WWOX: variants seen among roughly 807,000 people sequenced by gnomAD.
The protein encoded by WWOX is WW domain-containing oxidoreductase.
A neutral mutation model predicts 46.2 loss-of-function variants in WWOX; 69 were observed. The ratio of observed to expected loss-of-function variants is 1.49; its 90% confidence interval spans 1.23 to 1.82. The LOEUF (loss-of-function observed/expected upper bound fraction) is 1.82. Ranked by LOEUF, WWOX falls within the 40% of genes most tolerant of loss-of-function variation. WWOX has a pLI of 0.00. For missense variants in WWOX, 919 were observed against 542.6 expected (o/e 1.69, Z -6.89); for synonymous variants, 359 against 202.6 (o/e 1.77, Z -6.56).
At chr16:79,143,041 GA>G (rs1011983563) in intron 8 of WWOX, among the ~76,000 whole-genome samples, 5 of 149,678 alleles carry the variant, frequency 3.3e-5, no homozygotes, top group Admixed American at 1.3e-4. Flanking sequence ...GGAGATGACA[GA>G]AAAAAAAATA....
chr16:78,409,889 T>G (rs1273890222), intron 6 of WWOX, among the ~76,000 whole-genome samples: 2 of 152,216 alleles, frequency 1.3e-5, no homozygotes, highest in African/African-American at 4.8e-5. Context: ...AGGACTGTTG[T>G]GATGACACTG....
At chr16:79,068,862 TA>T (rs1555521800) in intron 8 of WWOX, among the ~76,000 whole-genome samples, 1 of 140,416 alleles carries the variant, frequency 7.1e-6, no homozygotes, top group Non-Finnish European at 1.5e-5. Context: ...ATAATAATAA[TA>T]AAGAAAGCGA....
chr16:78,358,869 T>G (rs1211539921), intron 5 of WWOX, among the ~76,000 whole-genome samples: 2 of 149,078 alleles, frequency 1.3e-5, no homozygotes, highest in Non-Finnish European at 3.0e-5. Context: ...CTGTGGTCTT[T>G]TTTTTTTTTT....
At chr16:78,848,788 C>T (rs561337585) in intron 8 of WWOX, among the ~76,000 whole-genome samples, 8 of 105,418 alleles carry the variant, frequency 7.6e-5, no homozygotes, top group African/African-American at 1.1e-4. Flanking sequence ...ACGGGAGTTA[C>T]ACAGAGACCT....
At chr16:78,258,297 G>A (rs771422624) in intron 5 of WWOX, among the ~76,000 whole-genome samples, 7 of 152,054 alleles carry the variant, frequency 4.6e-5, no homozygotes, top group Non-Finnish European at 7.4e-5. Flanking sequence ...TTTGCTCTCC[G>A]TTTGGTGGGA....
At chr16:78,619,828 G>C (rs774527260) in intron 8 of WWOX, among the ~76,000 whole-genome samples, 7 of 152,176 alleles carry the variant, frequency 4.6e-5, no homozygotes, top group Middle Eastern at 3.4e-3. Context: ...AGAATCACTT[G>C]AGCAAAGGAG....
At chr16:78,688,935 C>A (rs780186938) in intron 8 of WWOX, among the ~76,000 whole-genome samples, 32 of 152,138 alleles carry the variant, frequency 2.1e-4, no homozygotes, top group Non-Finnish European at 1.9e-4. Context: ...TTGCTTGGCA[C>A]CTCTCCTTCC....
chr16:78,776,728 G>A (rs752127516), intron 8 of WWOX, among the ~76,000 whole-genome samples: 5 of 152,206 alleles, frequency 3.3e-5, no homozygotes, highest in African/African-American at 4.8e-5. Flanking sequence ...GAAAACTTAC[G>A]ATCATGGTGG....
intron 5 of WWOX, among the ~76,000 whole-genome samples, chr16:78,353,424 C>T (rs558979740): frequency 1.3e-5 from 2 of 152,260 alleles, no homozygotes; most frequent in African/African-American, 2.4e-5. Context: ...AAAGACAGTT[C>T]ACCAAATCTA....
At chr16:79,064,240 A>C (rs1247259652) in intron 8 of WWOX, among the ~76,000 whole-genome samples, 1 of 152,230 alleles carries the variant, frequency 6.6e-6, no homozygotes, top group Non-Finnish European at 1.5e-5. Flanking sequence ...TTGTAATACA[A>C]GGCAAAGAAA....
intron 8 of WWOX, among the ~76,000 whole-genome samples, chr16:78,932,638 C>T: frequency 6.6e-6 from 1 of 152,214 alleles, no homozygotes; most frequent in East Asian, 1.9e-4. Context: ...AAAGAGAAGC[C>T]TGCAGCTGCG....
intron 8 of WWOX, among the ~76,000 whole-genome samples, chr16:78,797,358 TAA>T (rs57291441): frequency 0.13 from 15,500 of 116,370 alleles, 1,021 homozygotes; most frequent in Non-Finnish European, 0.15. Context: ...GTCAAAGTGG[TAA>T]AAAAAAAAAA....
chr16:79,083,284 T>A (rs2150585384), intron 8 of WWOX, among the ~76,000 whole-genome samples: 1 of 152,240 alleles, frequency 6.6e-6, no homozygotes, highest in South Asian at 2.1e-4. Context: ...CACTTCCAGA[T>A]GGAAATATTA....
intron 8 of WWOX, among the ~76,000 whole-genome samples, chr16:78,871,828 C>T (rs376513760): frequency 8.5e-5 from 13 of 152,146 alleles, no homozygotes; most frequent in African/African-American, 3.1e-4. Flanking sequence ...GTCTCAAACT[C>T]CTGGCCTCAA....
chr16:79,073,858 G>T (rs142262686), intron 8 of WWOX, among the ~76,000 whole-genome samples: 1 of 152,142 alleles, frequency 6.6e-6, no homozygotes, highest in East Asian at 1.9e-4. Context: ...TTAAGCTTAT[G>T]TCTGTTCCAG....
At chr16:78,486,542 G>C (rs2084642004) in intron 8 of WWOX, among the ~76,000 whole-genome samples, 1 of 145,648 alleles carries the variant, frequency 6.9e-6, no homozygotes, top group Non-Finnish European at 1.5e-5. Flanking sequence ...ACTACTGGGT[G>C]TGTTTAATTG....
At chr16:78,316,719 C>T (rs1158835891) in intron 5 of WWOX, among the ~76,000 whole-genome samples, 1 of 152,154 alleles carries the variant, frequency 6.6e-6, no homozygotes, top group African/African-American at 2.4e-5. Flanking sequence ...TCCAACTTTG[C>T]AATCTATAAG....
intron 5 of WWOX, among the ~76,000 whole-genome samples, chr16:78,312,958 T>C (rs1467677318): frequency 1.3e-5 from 2 of 152,192 alleles, no homozygotes; most frequent in Admixed American, 1.3e-4. Context: ...AGCTGCCTGG[T>C]GTACAGGAGG....
At chr16:78,655,368 C>T (rs935653747) in intron 8 of WWOX, among the ~76,000 whole-genome samples, 1 of 152,144 alleles carries the variant, frequency 6.6e-6, no homozygotes, top group Non-Finnish European at 1.5e-5. Flanking sequence ...GGCTTGATCT[C>T]CTCAGCCTGT....
Sources: gnomAD v4.1 joint callset for allele counts (sites outside exome capture counted in the v4.1 genomes callset) on GRCh38, gnomAD v4.1.1 for gene constraint, MANE v1.5 for transcripts, NCBI Gene and HGNC (gene_info 2026-07-23, HGNC 2026-07-21) for gene names.